ATP8B4: variants seen among roughly 807,000 people sequenced by gnomAD.
The protein encoded by ATP8B4 is ATPase phospholipid transporting 8B4 (putative), also known as probable phospholipid-transporting ATPase IM.
In ATP8B4, 133 loss-of-function variants were observed where a neutral mutation model predicts 145.6. The observed-to-expected ratio is 0.91, with a 90% CI of 0.79 to 1.05. The LOEUF (loss-of-function observed/expected upper bound fraction) is 1.05. Among genes scored for constraint, ATP8B4 ranks in the 50% least tolerant of loss-of-function variants. The pLI is 0.00. For synonymous variants in ATP8B4, 507 were observed against 492.9 expected, an observed-to-expected ratio of 1.03 and a Z score of -0.38; for missense variants, 1,458 against 1,425.2, an observed-to-expected ratio of 1.02 and a Z score of -0.37.
chr15:50,143,009 G>A (rs1004054843), intron 1 of ATP8B4, among the ~76,000 whole-genome samples: 9 of 152,300 alleles, frequency 5.9e-5, no homozygotes, highest in African/African-American at 1.9e-4. Flanking sequence ...TAGGAGAGAA[G>A]CTGAAGACCT....
chr15:50,144,779 C>T (rs1476560147), intron 1 of ATP8B4, among the ~76,000 whole-genome samples: 2 of 151,772 alleles, frequency 1.3e-5, no homozygotes, highest in Non-Finnish European at 1.5e-5. Flanking sequence ...TTCTTCCTAT[C>T]CACAGGGCCT....
rs778272301 is a variant in ATP8B4 at position 49,972,703 on chromosome 15, A to T, written c.1122T>A (p.Ala374=). 6.2e-7 allele frequency: 1 copy of T among 1,614,012 alleles called. No homozygotes were observed. The highest frequency in any genetic ancestry group is 8.5e-7 in the Non-Finnish European group (1 of 1,179,992). ...YYSRKAIPAV[A]RTTTLNEELG... ...GTTCCTCATTGAGCGTGGTCGTTCG[A>T]GCCACTGCAGGTATTGCTTTTCGAG... is the stretch of plus-strand genomic sequence containing the variant. Residue 374 remains alanine (A), a synonymous_variant, in exon 13 of 28, where the codon GCT becomes GCA. Coordinates refer to ENST00000284509, the MANE Select transcript of ATP8B4 (RefSeq NM_024837.4).
chr15:49,897,620 T>C (rs2037551433), intron 22 of ATP8B4, 105 bp from the exon 23 acceptor site: 1 of 976,654 alleles, frequency 1.0e-6, no homozygotes, highest in Admixed American at 3.1e-5. Flanking sequence ...GCCATTGCAA[T>C]TATAATTTTT....
At chr15:49,938,884 A>C (rs527980900) in intron 14 of ATP8B4, among the ~76,000 whole-genome samples, 2 of 152,324 alleles carry the variant, frequency 1.3e-5, no homozygotes, top group South Asian at 4.1e-4. Flanking sequence ...CAAAGTCAAA[A>C]AAATCAAAAT....
Position 50,151,041 on chromosome 15 carries a change from G to A in ATP8B4, c.-43+31220C>T, listed in dbSNP as rs532784723. The stretch of plus-strand genomic sequence containing the variant: ...TCTGTCTGTGGCATCAGGTGGTTTT[G>A]TAAATTGTTGTGTGACTCATTATCA... On this transcript the variant is annotated intron_variant, in intron 1 of 3. Transcript: ENST00000558829. 1.7e-3 allele frequency among the ~76,000 whole-genome samples: 256 copies of A among 152,256 alleles called. 1 individual carries two copies. Among genetic ancestry groups the A allele is most frequent in the Non-Finnish European group, 2.9e-3 (194 of 68,020 alleles).
At chr15:49,876,644 G>T in intron 24 of ATP8B4, 121 bp from the exon 25 acceptor site, 2 of 1,321,452 alleles carry the variant, frequency 1.5e-6, no homozygotes, top group Non-Finnish European at 1.1e-6. Flanking sequence ...ACTACTCACT[G>T]GGCCAGAACA....
At chr15:49,939,183 T>C (rs112147781) in intron 14 of ATP8B4, among the ~76,000 whole-genome samples, 1,607 of 146,242 alleles carry the variant, frequency 0.011, 15 homozygotes, top group Middle Eastern at 0.031. Flanking sequence ...AACGCATACC[T>C]ACAAAAAAAA....
In ATP8B4 at chr15:50,119,207, T is replaced by C. The variant is rs1028562542; in HGVS notation, c.-127A>G. ...CAAACAGGTATCCATTCCGTGACCA[T>C]GCCAAGGAGAAAAGCAAGGCTACTC... is the stretch of plus-strand genomic sequence containing the variant. On this transcript the variant is annotated 5_prime_UTR_variant, in exon 1 of 28. An upstream start codon of the reference 5' UTR is lost. Coordinates refer to ENST00000284509, the MANE Select transcript of ATP8B4 (RefSeq NM_024837.4). 8.5e-5 allele frequency: 13 copies of C among 152,208 alleles called. No homozygotes were observed. The highest frequency in any genetic ancestry group is 2.9e-4 in the African/African-American group (12 of 41,414). The allele number at this position is 152,208 out of a possible 1,614,324, so 9.4% of individuals were successfully genotyped here.
chr15:49,977,986 T>C lies in ATP8B4; in HGVS notation c.1034+1631A>G, dbSNP rs532098196. 4.1e-4 allele frequency among the ~76,000 whole-genome samples: 62 copies of C among 152,208 alleles called. 1 individual carries two copies. The highest frequency in any genetic ancestry group is 1.9e-3 in the South Asian group (9 of 4,822). ...ACCAGAAACTGGGTTTGGACAATTA[T>C]AAATACGTTTTCTGTCAATTGTACC... On this transcript the variant is annotated intron_variant, in intron 12 of 27. Transcript: ENST00000284509.
intron 16 of ATP8B4, among the ~76,000 whole-genome samples, chr15:49,926,049 A>C (rs1284753227): frequency 6.6e-6 from 1 of 151,666 alleles, no homozygotes; most frequent in African/African-American, 2.4e-5. Flanking sequence ...TCTTTTTTTT[A>C]TCTTCCCATC....
At chr15:49,860,713 C>T (rs1259165916) in intron 27 of ATP8B4, among the ~76,000 whole-genome samples, 1 of 152,138 alleles carries the variant, frequency 6.6e-6, no homozygotes, top group Non-Finnish European at 1.5e-5. Flanking sequence ...AGACAAATTT[C>T]ATTATTGTCT....
intron 3 of ATP8B4, among the ~76,000 whole-genome samples, chr15:50,049,086 G>A (rs923295211): frequency 3.9e-5 from 6 of 152,120 alleles, no homozygotes; most frequent in African/African-American, 1.2e-4. Flanking sequence ...AACTGTTTTC[G>A]CACAGGATCA....
intron 13 of ATP8B4, among the ~76,000 whole-genome samples, chr15:49,964,348 T>C (rs1012224271): frequency 7.9e-5 from 12 of 151,888 alleles, no homozygotes; most frequent in Non-Finnish European, 2.9e-5. Flanking sequence ...AAAAAAACTG[T>C]GTCTTTGTGT....
Position 50,038,825 on chromosome 15 carries a change from C to A in ATP8B4, c.305G>T (p.Arg102Leu), listed in dbSNP as rs945620225. The change falls in exon 6 of 28, where the codon CGC becomes CTC. Residue 102 changes from arginine to leucine, a missense_variant. Arg to Leu is a moderately radical substitution (Grantham distance 102). Coordinates refer to ENST00000284509, the MANE Select transcript of ATP8B4 (RefSeq NM_024837.4). ...AVKDATDDYF[R>L]HKSDNQVNNR... ...ATTCACTTGATTATCACTCTTGTGG[C>A]GAAACTGAAAAATCAAAGTGTTTGT... 1.2e-6 allele frequency: 2 copies of A among 1,612,962 alleles called. No homozygotes were observed. The highest frequency in any genetic ancestry group is 1.7e-6 in the Non-Finnish European group (2 of 1,179,228).
intron 9 of ATP8B4, among the ~76,000 whole-genome samples, chr15:49,988,520 T>A (rs1426014013): frequency 6.6e-6 from 1 of 152,276 alleles, no homozygotes; most frequent in African/African-American, 2.4e-5. Flanking sequence ...AATCAGGGTT[T>A]GAGCCAGAGT....
rs2049810884 is a variant in ATP8B4, at chr15:50,023,955, G to A, written c.363-13038C>T. On this transcript the variant is annotated intron_variant, in intron 6 of 27. Transcript: ENST00000284509. The stretch of plus-strand genomic sequence containing the variant: ...AGTTATCTGATGGGGTGCAAATTAA[G>A]GAAGCCATGTACCTTTTCTCATTTT... 2.0e-5 allele frequency among the ~76,000 whole-genome samples: 3 copies of A among 152,114 alleles called. No individual in the cohort carries two copies. The South Asian group carries it at 6.2e-4, about 32-fold the overall frequency.
intron 1 of ATP8B4, among the ~76,000 whole-genome samples, chr15:50,148,708 T>C (rs11635737): frequency 0.073 from 11,054 of 152,270 alleles, 499 homozygotes; most frequent in Middle Eastern, 0.095. Context: ...TACTCTGTAA[T>C]AGCAGCACAA....
chr15:49,860,421 G>A lies in ATP8B4; in HGVS notation c.3352C>T (p.Pro1118Ser). ...KKARPPSSRRPRTRRSSSRRS... is the reference protein window; with the variant it reads ...KKARPPSSRRSRTRRSSSRRS... ...CTTGAGCTTGACCTGCGGGTCCGAG[G>A]CCTTCGGCTACTTGGAGGCCTTGCC... Residue 1118 changes from proline to serine, a missense_variant, in exon 28 of 28, where the codon CCT becomes TCT. Coordinates refer to ENST00000284509, the MANE Select transcript of ATP8B4 (RefSeq NM_024837.4). 1 of 1,613,928 alleles carries A rather than the reference G, an allele frequency of 6.2e-7. No homozygotes were observed.
chr15:49,935,906 TTCA>T (rs2041696922), intron 14 of ATP8B4, among the ~76,000 whole-genome samples: 1 of 152,148 alleles, frequency 6.6e-6, no homozygotes. Context: ...TTTGTTTCAG[TTCA>T]TCAATTATAA....
Sources: allele counts gnomAD v4.1 joint callset (sites outside exome capture counted in the v4.1 genomes callset), GRCh38; gene constraint gnomAD v4.1.1; transcripts MANE v1.5; gene names NCBI Gene and HGNC (gene_info 2026-07-23, HGNC 2026-07-21).